Variants in MIS18A observed in about 807,000 individuals in gnomAD.
MIS18A encodes the protein MIS18 kinetochore protein A, also known as protein Mis18-alpha.
A neutral mutation model predicts 25.0 loss-of-function variants in MIS18A; 14 were observed. The observed-to-expected ratio is 0.56, with a 90% CI of 0.37 to 0.88. The LOEUF (loss-of-function observed/expected upper bound fraction) is 0.88, where lower values mean the gene tolerates loss of function less well. Among genes scored for constraint, MIS18A ranks in the 40% least tolerant of loss-of-function variants. The pLI is 0.00. For synonymous variants in MIS18A, 134 were observed against 118.6 expected (o/e 1.13, Z -0.84); for missense variants, 292 against 290.8 (o/e 1.00, Z -0.03).
At chr21:32,250,438 C>T in the MIS18A span, among the ~76,000 whole-genome samples, 1 of 152,194 alleles carries the variant, frequency 6.6e-6, no homozygotes, top group Admixed American at 6.5e-5. Flanking sequence ...GGACTCTGAG[C>T]CCCAATCCAC....
chr21:32,237,051 AC>A, the MIS18A span, among the ~76,000 whole-genome samples: 7 of 149,428 alleles, frequency 4.7e-5, no homozygotes, highest in Admixed American at 4.0e-4. Context: ...ATGGTGCAAC[AC>A]CCCCCACCCC....
At chr21:32,242,027 C>G in the MIS18A span, among the ~76,000 whole-genome samples, 3 of 152,176 alleles carry the variant, frequency 2.0e-5, no homozygotes, top group Non-Finnish European at 4.4e-5. Context: ...TACAGGCGCC[C>G]GCCACCACGC....
chr21:32,275,172 G>C (rs1484486238), intron 1 of MIS18A, among the ~76,000 whole-genome samples: 1 of 152,056 alleles, frequency 6.6e-6, no homozygotes, highest in African/African-American at 2.4e-5. Context: ...CCAGGAGTTC[G>C]AGGTCAGCCT....
chr21:32,171,048 T>C, the MIS18A span, among the ~76,000 whole-genome samples: 5 of 152,106 alleles, frequency 3.3e-5, no homozygotes, highest in East Asian at 1.9e-4. Context: ...GACGAAAGAC[T>C]GAATGCTTTC....
chr21:32,235,526 C>A, the MIS18A span, among the ~76,000 whole-genome samples: 1 of 152,176 alleles, frequency 6.6e-6, no homozygotes, highest in African/African-American at 2.4e-5. Flanking sequence ...ACTCTGGCAG[C>A]CACTACCACC....
At chr21:32,249,643 A>G in the MIS18A span, among the ~76,000 whole-genome samples, 2 of 152,228 alleles carry the variant, frequency 1.3e-5, no homozygotes, top group African/African-American at 4.8e-5. Context: ...TAACACATAA[A>G]GAAAAGAGAC....
the MIS18A span, among the ~76,000 whole-genome samples, chr21:32,226,255 A>G: frequency 1.4e-5 from 2 of 145,092 alleles, no homozygotes; most frequent in Admixed American, 1.4e-4. Context: ...CAATGTGCAC[A>G]TGTACCCTAA....
chr21:32,191,237 A>G, the MIS18A span, among the ~76,000 whole-genome samples: 7 of 152,204 alleles, frequency 4.6e-5, no homozygotes, highest in African/African-American at 1.7e-4. Flanking sequence ...TTCTCTATGA[A>G]AGCACAGAAA....
At chr21:32,263,471 C>T (rs545444046), downstream of MIS18A, among the ~76,000 whole-genome samples, 6 of 152,298 alleles carry the variant, frequency 3.9e-5, no homozygotes, top group East Asian at 7.7e-4. Flanking sequence ...CGTGGTGGCA[C>T]GCGCCTGTAG....
At chr21:32,242,882 T>C in the MIS18A span, among the ~76,000 whole-genome samples, 1 of 152,148 alleles carries the variant, frequency 6.6e-6, no homozygotes, top group African/African-American at 2.4e-5. Context: ...TCCTAACAAG[T>C]GAGTGAACTA....
the MIS18A span, among the ~76,000 whole-genome samples, chr21:32,242,019 C>T: frequency 6.6e-6 from 1 of 152,230 alleles, no homozygotes; most frequent in Non-Finnish European, 1.5e-5. Context: ...GCTGGGACTA[C>T]AGGCGCCCGC....
chr21:32,239,579 C>A, the MIS18A span, among the ~76,000 whole-genome samples: 1 of 152,238 alleles, frequency 6.6e-6, no homozygotes, highest in African/African-American at 2.4e-5. Context: ...ATGAAAGGTT[C>A]CCCACGAAGG....
chr21:32,182,230 G>A, the MIS18A span, among the ~76,000 whole-genome samples: 6 of 152,212 alleles, frequency 3.9e-5, no homozygotes, highest in African/African-American at 1.4e-4. Context: ...GAAAAGAACA[G>A]TGAACTGTGA....
At chr21:32,202,742 G>A in the MIS18A span, among the ~76,000 whole-genome samples, 1 of 152,154 alleles carries the variant, frequency 6.6e-6, no homozygotes, top group Admixed American at 6.5e-5. Context: ...GTCTTTTTAT[G>A]ACACACTTAT....
the MIS18A span, among the ~76,000 whole-genome samples, chr21:32,204,750 G>A: frequency 6.6e-6 from 1 of 151,570 alleles, no homozygotes; most frequent in African/African-American, 2.4e-5. Context: ...AGCCAGGCAT[G>A]GTGGCAGGTG....
the MIS18A span, among the ~76,000 whole-genome samples, chr21:32,198,025 A>G: frequency 1.3e-5 from 2 of 152,242 alleles, no homozygotes; most frequent in Non-Finnish European, 2.9e-5. Context: ...GCATTATCTA[A>G]TAGCAAACTA....
the MIS18A span, among the ~76,000 whole-genome samples, chr21:32,236,885 A>G: frequency 1.2e-4 from 18 of 152,280 alleles, no homozygotes; most frequent in Admixed American, 1.0e-3. Context: ...ATGGGGGTAC[A>G]GTTTGCAGGG....
chr21:32,190,685 A>C, the MIS18A span, among the ~76,000 whole-genome samples: 2 of 152,204 alleles, frequency 1.3e-5, no homozygotes, highest in Non-Finnish European at 2.9e-5. Flanking sequence ...CAACCGTGGG[A>C]TCTAACAACG....
rs2031679144 is a variant in MIS18A at position 32,269,782 on chromosome 21, T to C, written c.546A>G (p.Glu182=). The C allele has an allele frequency of 6.2e-7, 1 of 1,610,218 alleles. No individual in the cohort carries two copies. The highest frequency in any genetic ancestry group is 1.3e-5 in the African/African-American group (1 of 74,976). Residue 182 remains glutamate, a synonymous_variant, in exon 4 of 5, where the codon GAA becomes GAG. Coordinates refer to ENST00000290130, the MANE Select transcript of MIS18A (RefSeq NM_018944.3). ...AIESYVLGSS[E]KQIVSEDKEL... is the part of the protein sequence containing the mutation. ...CTTTATCTTCTGACACAATTTGCTT[T>C]TCAGAGGACCCTAAAACATAACTGA...
Sources: allele counts gnomAD v4.1 joint callset (sites outside exome capture counted in the v4.1 genomes callset), GRCh38; gene constraint gnomAD v4.1.1; transcripts MANE v1.5; gene names NCBI Gene and HGNC (gene_info 2026-07-23, HGNC 2026-07-21).